The following DSCAML1 variants were observed in gnomAD, a reference collection of about 807,000 sequenced individuals.
DSCAML1 encodes the protein cell adhesion molecule DSCAML1.
DSCAML1 carries 38 observed loss-of-function variants against 200.5 expected under a neutral mutation model. The observed-to-expected ratio is 0.19, with a 90% CI of 0.15 to 0.25. The LOEUF (loss-of-function observed/expected upper bound fraction) is 0.25, where lower values mean the gene tolerates loss of function less well. DSCAML1 is among the 10% of genes least tolerant of loss of function. The pLI is 1.00. For synonymous variants in DSCAML1, 1,215 were observed against 1,165.0 expected (o/e 1.04, Z -0.87); for missense variants, 2,223 against 2,858.8 (o/e 0.78, Z 5.07).
Position 117,437,252 on chromosome 11 carries a change from G to C in DSCAML1, c.4590C>G (p.Ala1530=). ...TCAGAAACACCTCCCCGGAGCTGTT[G>C]GCCCGGAGGCCCTGCCAGGCCCAGG... is the stretch of plus-strand genomic sequence containing the variant. ...KGTWAWQGLR[A]NSSGEVFLTE... Residue 1530 remains alanine, a synonymous_variant, in exon 26 of 33, where the codon GCC becomes GCG. Transcript: ENST00000651296. This position sits in a 1 kb window ranked among gnomAD's most constrained non-coding sequence, Gnocchi z 5.3. The C allele has an allele frequency of 6.2e-7, 1 of 1,614,216 alleles. No individual in the cohort carries two copies. Among genetic ancestry groups the C allele is most frequent in the Non-Finnish European group, 8.5e-7 (1 of 1,180,048 alleles).
chr11:117,678,774 C>G (rs753446362), intron 3 of DSCAML1, among the ~76,000 whole-genome samples: 2 of 152,222 alleles, frequency 1.3e-5, no homozygotes, highest in Admixed American at 1.3e-4. Context: ...GGAGAAGTGG[C>G]AGGAGATGAG....
chr11:117,487,253 T>C (rs551491486), intron 11 of DSCAML1, among the ~76,000 whole-genome samples: 1 of 152,294 alleles, frequency 6.6e-6, no homozygotes, highest in South Asian at 2.1e-4. Context: ...GACTATCTGT[T>C]AATATTTTAG....
chr11:117,605,178 G>A (rs983257648), intron 3 of DSCAML1, among the ~76,000 whole-genome samples: 1 of 152,000 alleles, frequency 6.6e-6, no homozygotes, highest in African/African-American at 2.4e-5. Flanking sequence ...ACAGGTGCAC[G>A]CCACCATGCC....
At chr11:117,767,658 T>C (rs763189930) in intron 3 of DSCAML1, among the ~76,000 whole-genome samples, 1 of 152,154 alleles carries the variant, frequency 6.6e-6, no homozygotes, top group Non-Finnish European at 1.5e-5. Context: ...CTGACTGCCT[T>C]GATGAGGGAA....
At chr11:117,768,007 CCT>C (rs1196023249) in intron 3 of DSCAML1, among the ~76,000 whole-genome samples, 6 of 152,144 alleles carry the variant, frequency 3.9e-5, no homozygotes, top group African/African-American at 1.4e-4. Context: ...AGCCACACTG[CCT>C]CTGTGTCCTC....
At chr11:117,629,221 C>T (rs948535490) in intron 3 of DSCAML1, among the ~76,000 whole-genome samples, 1 of 152,166 alleles carries the variant, frequency 6.6e-6, no homozygotes, top group Non-Finnish European at 1.5e-5. Flanking sequence ...TGGTTACGCT[C>T]TCTATGATAT....
chr11:117,555,075 A>G (rs1276353720), intron 3 of DSCAML1, among the ~76,000 whole-genome samples: 1 of 151,706 alleles, frequency 6.6e-6, no homozygotes, highest in Non-Finnish European at 1.5e-5. Flanking sequence ...CTTCCTTCTG[A>G]GCTGCTTCCT....
intron 3 of DSCAML1, among the ~76,000 whole-genome samples, chr11:117,705,328 A>T (rs1476201490): frequency 6.6e-6 from 1 of 152,228 alleles, no homozygotes; most frequent in Non-Finnish European, 1.5e-5. Context: ...ATGTACTCTA[A>T]GCATGAATGT....
chr11:117,509,960 CTTTCTCCCCAG>C (rs1309957058), intron 8 of DSCAML1, among the ~76,000 whole-genome samples: 2 of 152,236 alleles, frequency 1.3e-5, no homozygotes, highest in Non-Finnish European at 2.9e-5. Context: ...CAACCCAGGG[CTTTCTCCCCAG>C]AAGCCCTGCT....
intron 3 of DSCAML1, among the ~76,000 whole-genome samples, chr11:117,580,999 G>C (rs1418337713): frequency 6.6e-6 from 1 of 152,292 alleles, no homozygotes; most frequent in African/African-American, 2.4e-5. Context: ...ACAAAACCTC[G>C]CAGTCATTCT....
At chr11:117,556,554 G>A (rs1424007854) in intron 3 of DSCAML1, among the ~76,000 whole-genome samples, 1 of 147,720 alleles carries the variant, frequency 6.8e-6, no homozygotes, top group Non-Finnish European at 1.5e-5. Context: ...TGGGCCTGAA[G>A]GAAGCAGGCA....
chr11:117,512,799 A>ACACACACACC (rs1555179361), intron 8 of DSCAML1, among the ~76,000 whole-genome samples: 22 of 137,504 alleles, frequency 1.6e-4, no homozygotes, highest in African/African-American at 4.6e-4. Flanking sequence ...ACACACACAC[A>ACACACACACC]CACCCCTCCC....
At chr11:117,717,062 G>T (rs764465430) in intron 3 of DSCAML1, among the ~76,000 whole-genome samples, 12 of 152,178 alleles carry the variant, frequency 7.9e-5, no homozygotes, top group Non-Finnish European at 1.6e-4. Flanking sequence ...GAGGGCGCAG[G>T]CCTTTCTAGA....
intron 8 of DSCAML1, among the ~76,000 whole-genome samples, chr11:117,509,637 C>T (rs191037569): frequency 6.6e-6 from 1 of 152,324 alleles, no homozygotes; most frequent in East Asian, 1.9e-4. Flanking sequence ...TCATTCGGTA[C>T]TAGGAGTGCT....
chr11:117,671,652 G>A (rs1198020272), intron 3 of DSCAML1, among the ~76,000 whole-genome samples: 1 of 152,176 alleles, frequency 6.6e-6, no homozygotes, highest in Non-Finnish European at 1.5e-5. Context: ...ATTAAATTCT[G>A]AGAAGGTACA....
chr11:117,677,171 T>C (rs1324556724), intron 3 of DSCAML1, among the ~76,000 whole-genome samples: 1 of 152,188 alleles, frequency 6.6e-6, no homozygotes, highest in Non-Finnish European at 1.5e-5. Context: ...ACATTTCTCA[T>C]GGTCTCAGAA....
chr11:117,504,495 T>C lies in DSCAML1; in HGVS notation c.2182+429A>G, dbSNP rs1157511702. Among the ~76,000 whole-genome samples, 1 of 152,062 alleles carries C rather than the reference T, an allele frequency of 6.6e-6. No homozygotes were observed. The highest frequency in any genetic ancestry group is 1.5e-5 in the Non-Finnish European group (1 of 68,004). On this transcript the variant is annotated intron_variant, in intron 10 of 32. Coordinates refer to ENST00000651296, the MANE Select transcript of DSCAML1 (RefSeq NM_020693.4). This position sits in a 1 kb window ranked among gnomAD's most constrained non-coding sequence, Gnocchi z 5.0. ...TGTCAGTCACGAATACAGTCTAGGA[T>C]TGGGCCTCAGTCAGAAAGCAAAGGC...
chr11:117,790,660 C>G (rs1371356192), intron 1 of DSCAML1, among the ~76,000 whole-genome samples: 2 of 152,210 alleles, frequency 1.3e-5, no homozygotes, highest in Non-Finnish European at 2.9e-5. Context: ...AGCACTGTCA[C>G]ATGATGTACA....
chr11:117,649,164 C>T (rs2052579730), intron 3 of DSCAML1, among the ~76,000 whole-genome samples: 1 of 151,610 alleles, frequency 6.6e-6, no homozygotes, highest in Non-Finnish European at 1.5e-5. Context: ...GCAACCTCCG[C>T]CTCCCAGGGT....
Sources: gnomAD v4.1 joint callset for allele counts (sites outside exome capture counted in the v4.1 genomes callset) on GRCh38, gnomAD v4.1.1 for gene constraint, Gnocchi (gnomAD v3.1) non-coding constraint, MANE v1.5 for transcripts, NCBI Gene and HGNC (gene_info 2026-07-23, HGNC 2026-07-21) for gene names.